NTNG1: variants seen among roughly 807,000 people sequenced by gnomAD.
The protein encoded by NTNG1 is netrin G1.
In NTNG1, 16 loss-of-function variants were observed where a neutral mutation model predicts 54.0. The observed-to-expected ratio is 0.30, with a 90% CI of 0.20 to 0.45. The LOEUF (loss-of-function observed/expected upper bound fraction) is 0.45. Ranked by LOEUF, NTNG1 falls within the 20% of genes least tolerant of loss-of-function variation. The probability of loss-of-function intolerance (pLI) is 1.00; values close to 1 mark genes in which losing one functional copy is unlikely to be tolerated. For missense variants in NTNG1, 530 were observed against 678.7 expected, an observed-to-expected ratio of 0.78 and a Z score of 2.43; for synonymous variants, 255 against 263.1, an observed-to-expected ratio of 0.97 and a Z score of 0.30.
intron 2 of NTNG1, among the ~76,000 whole-genome samples, chr1:107,178,775 T>C (rs1018322676): frequency 3.9e-5 from 6 of 152,210 alleles, no homozygotes; most frequent in African/African-American, 1.4e-4. Context: ...TATTGTTCTC[T>C]TGCATTAAGT....
intron 2 of NTNG1, among the ~76,000 whole-genome samples, chr1:107,182,249 C>G (rs1238877157): frequency 6.6e-6 from 1 of 152,038 alleles, no homozygotes; most frequent in Non-Finnish European, 1.5e-5. Flanking sequence ...AAAGTATAGG[C>G]ACAAGTACAG....
chr1:107,337,477 C>A (rs556620574), intron 3 of NTNG1, among the ~76,000 whole-genome samples: 1 of 151,976 alleles, frequency 6.6e-6, no homozygotes, highest in East Asian at 1.9e-4. Context: ...AAAGAAGATT[C>A]ATTTGTAATG....
intron 3 of NTNG1, among the ~76,000 whole-genome samples, chr1:107,390,593 T>C (rs942455194): frequency 6.6e-6 from 1 of 152,234 alleles, no homozygotes; most frequent in Non-Finnish European, 1.5e-5. Flanking sequence ...GTGGCAGTTT[T>C]CAACACACAT....
Position 107,333,765 on chromosome 1 carries a change from G to T in NTNG1, c.887+8843G>T, listed in dbSNP as rs567854681. 2.7e-5 allele frequency among the ~76,000 whole-genome samples: 4 copies of T among 150,820 alleles called. No individual in the cohort carries two copies. In the South Asian group the frequency reaches 8.4e-4, roughly 32 times the overall value. Reference sequence around the variant, plus strand: ...ATCCTTCCTATATTACTGCTACTTTGGGTGAAAAAGTGAGACTGTCGTAGA... The same window carrying T: ...ATCCTTCCTATATTACTGCTACTTTTGGTGAAAAAGTGAGACTGTCGTAGA... On this transcript the variant is annotated intron_variant, in intron 3 of 7. Transcript: ENST00000370068.
At chr1:107,230,170 G>A (rs1660976170) in intron 2 of NTNG1, among the ~76,000 whole-genome samples, 1 of 152,128 alleles carries the variant, frequency 6.6e-6, no homozygotes, top group South Asian at 2.1e-4. Context: ...GTGGCTGTTT[G>A]TTACACTAGT....
intron 3 of NTNG1, among the ~76,000 whole-genome samples, chr1:107,385,211 T>C (rs1671885949): frequency 6.6e-6 from 1 of 152,224 alleles, no homozygotes; most frequent in Admixed American, 6.5e-5. Flanking sequence ...AGGACTGGGA[T>C]CGTGGCCTCT....
At chr1:107,234,802 G>A (rs960146253) in intron 2 of NTNG1, among the ~76,000 whole-genome samples, 1 of 152,168 alleles carries the variant, frequency 6.6e-6, no homozygotes, top group African/African-American at 2.4e-5. Flanking sequence ...GAAGTGTGGG[G>A]ATGTGCTGCT....
intron 2 of NTNG1, among the ~76,000 whole-genome samples, chr1:107,201,385 T>C (rs1169175631): frequency 6.6e-6 from 1 of 151,854 alleles, no homozygotes; most frequent in African/African-American, 2.4e-5. Context: ...TAAATAGCCC[T>C]TCAGTTCTCA....
At chr1:107,476,786 A>G (rs1204768681) in intron 7 of NTNG1, among the ~76,000 whole-genome samples, 1 of 152,000 alleles carries the variant, frequency 6.6e-6, no homozygotes, top group South Asian at 2.1e-4. Flanking sequence ...ACAGCTTTCC[A>G]TTCCTTATTA....
chr1:107,345,539 G>A (rs937822468), intron 3 of NTNG1, among the ~76,000 whole-genome samples: 4 of 152,108 alleles, frequency 2.6e-5, no homozygotes, highest in African/African-American at 9.7e-5. Context: ...ATTTTTCTGG[G>A]ATAGGAACTT....
intron 3 of NTNG1, among the ~76,000 whole-genome samples, chr1:107,351,550 T>C (rs1669601015): frequency 6.6e-6 from 1 of 152,152 alleles, no homozygotes; most frequent in South Asian, 2.1e-4. Flanking sequence ...GGGGATAATC[T>C]GCCCCCATGA....
At chr1:107,210,166 A>G (rs1185012017) in intron 2 of NTNG1, among the ~76,000 whole-genome samples, 1 of 152,140 alleles carries the variant, frequency 6.6e-6, no homozygotes, top group East Asian at 1.9e-4. Context: ...TTTCCACTGG[A>G]GACCAAGCAG....
At chr1:107,395,373 G>C in intron 4 of NTNG1, 47 bp downstream of exon 4, 4 of 1,505,550 alleles carry the variant, frequency 2.7e-6, no homozygotes, top group Non-Finnish European at 2.8e-6. Context: ...ACCATGAGGT[G>C]ATAGTTCCTC....
At chr1:107,189,885 T>G (rs1657776855) in intron 2 of NTNG1, among the ~76,000 whole-genome samples, 1 of 151,590 alleles carries the variant, frequency 6.6e-6, no homozygotes, top group African/African-American at 2.4e-5. Flanking sequence ...ACAGCAGCAT[T>G]ATTTGTAACA....
intron 5 of NTNG1, chr1:107,408,728 A>C (rs1243191533): frequency 6.6e-6 from 1 of 152,054 alleles, no homozygotes; most frequent in Non-Finnish European, 1.5e-5. Flanking sequence ...AAGATTACGC[A>C]TGGTAAGCGG....
chr1:107,363,449 A>G (rs537448427), intron 3 of NTNG1, among the ~76,000 whole-genome samples: 3 of 152,228 alleles, frequency 2.0e-5, no homozygotes, highest in Admixed American at 6.5e-5. Flanking sequence ...AATCTGCAAT[A>G]TAACTGCGTT....
rs143890702 is a variant in NTNG1 at position 107,311,159 on chromosome 1, A to G, written c.247-13123A>G. On this transcript the variant is annotated intron_variant, in intron 2 of 7. Transcript: ENST00000370068. ...GACTTTTCCCGACTGAGACACCTCCATGCATGACCATTGTAAATTTACAAC... is the reference window on the plus strand; with the variant it reads ...GACTTTTCCCGACTGAGACACCTCCGTGCATGACCATTGTAAATTTACAAC... Among the ~76,000 whole-genome samples the G allele has an allele frequency of 3.3e-4, 51 of 152,302 alleles. No homozygotes were observed. The East Asian group carries it at 8.5e-3, about 25-fold the overall frequency.
intron 2 of NTNG1, among the ~76,000 whole-genome samples, chr1:107,311,129 T>G (rs1340573119): frequency 3.9e-5 from 6 of 152,182 alleles, no homozygotes; most frequent in Non-Finnish European, 8.8e-5. Flanking sequence ...TGACAATTTT[T>G]TCAAGACTTT....
chr1:107,422,009 T>A (rs149764922), intron 5 of NTNG1, among the ~76,000 whole-genome samples: 1 of 152,210 alleles, frequency 6.6e-6, no homozygotes, highest in African/African-American at 2.4e-5. Context: ...AATTTAGTCA[T>A]TTCCTAGATT....
Sources: allele counts gnomAD v4.1 joint callset (sites outside exome capture counted in the v4.1 genomes callset), GRCh38; gene constraint gnomAD v4.1.1; transcripts MANE v1.5; gene names NCBI Gene and HGNC (gene_info 2026-07-23, HGNC 2026-07-21).